Variants in CSMD3 observed in about 807,000 individuals in gnomAD.
CSMD3 encodes the protein CUB and sushi domain-containing protein 3.
A neutral mutation model predicts 435.2 loss-of-function variants in CSMD3; 177 were observed. That is an observed-to-expected ratio of 0.41 (90% CI 0.36 to 0.46). The LOEUF is 0.46. Ranked by LOEUF, CSMD3 falls within the 20% of genes least tolerant of loss-of-function variation. The pLI is 0.34. For synonymous variants in CSMD3, 1,656 were observed against 1,520.5 expected, an observed-to-expected ratio of 1.09 and a Z score of -2.07; for missense variants, 4,265 against 4,504.6, an observed-to-expected ratio of 0.95 and a Z score of 1.52.
intron 12 of CSMD3, among the ~76,000 whole-genome samples, chr8:112,816,732 C>T (rs1364633081): frequency 6.6e-6 from 1 of 151,842 alleles, no homozygotes; most frequent in Non-Finnish European, 1.5e-5. Context: ...CAATGATAGT[C>T]ATCTATTTAC....
chr8:113,302,675 AT>A (rs1420585485), intron 2 of CSMD3, among the ~76,000 whole-genome samples: 7 of 151,814 alleles, frequency 4.6e-5, no homozygotes, highest in African/African-American at 1.7e-4. Flanking sequence ...GATTATCTCA[AT>A]AGATGCAGAA....
intron 3 of CSMD3, among the ~76,000 whole-genome samples, chr8:113,200,188 A>G (rs2092702249): frequency 6.6e-6 from 1 of 150,554 alleles, no homozygotes; most frequent in Non-Finnish European, 1.5e-5. Flanking sequence ...TATTTCTGTG[A>G]CTCCTCTTAT....
chr8:113,374,827 A>AAAAAAC, intron 1 of CSMD3, among the ~76,000 whole-genome samples: 1 of 65,656 alleles, frequency 1.5e-5, no homozygotes, highest in African/African-American at 4.3e-5. Context: ...GTAAAAAAAA[A>AAAAAAC]AAAAAAAAAA....
chr8:112,804,815 C>G lies in CSMD3; in HGVS notation c.1860-4541G>C, dbSNP rs181585401. Among the ~76,000 whole-genome samples, 229 of 152,042 alleles carry G rather than the reference C, an allele frequency of 1.5e-3. 2 individuals are homozygous for G. Among genetic ancestry groups the G allele is most frequent in the African/African-American group, 5.3e-3 (219 of 41,494 alleles). ...AAGCAGCTGGGACTACAGGTGTGCA[C>G]CACCACACCCAGCTAATTTTTGTAT... is the stretch of plus-strand genomic sequence containing the variant. On this transcript the variant is annotated intron_variant, in intron 12 of 70. Transcript: ENST00000297405.
chr8:113,369,443 T>G (rs961892075), intron 1 of CSMD3, among the ~76,000 whole-genome samples: 1 of 152,014 alleles, frequency 6.6e-6, no homozygotes, highest in Admixed American at 6.6e-5. Flanking sequence ...GAAACTGTTG[T>G]ACATTGTTGG....
chr8:112,756,611 A>G (rs1479185117), intron 13 of CSMD3, among the ~76,000 whole-genome samples: 1 of 152,176 alleles, frequency 6.6e-6, no homozygotes, highest in South Asian at 2.1e-4. Context: ...TTAGAAAACA[A>G]TCAGTTAATA....
intron 22 of CSMD3, among the ~76,000 whole-genome samples, chr8:112,619,787 ATGT>A (rs1428291223): frequency 7.1e-6 from 1 of 140,932 alleles, no homozygotes; most frequent in Admixed American, 7.3e-5. Flanking sequence ...TCATACAAAC[ATGT>A]TGTATCTTTC....
intron 13 of CSMD3, among the ~76,000 whole-genome samples, chr8:112,747,962 C>CAAAAAAAAAAAA (rs71309788): frequency 1.7e-4 from 16 of 96,750 alleles, no homozygotes; most frequent in African/African-American, 5.8e-4. Context: ...GACTCCGTCT[C>CAAAAAAAAAAAA]AAAAAAAAAA....
At chr8:113,123,125 T>C (rs2091032475) in intron 4 of CSMD3, among the ~76,000 whole-genome samples, 1 of 152,066 alleles carries the variant, frequency 6.6e-6, no homozygotes, top group African/African-American at 2.4e-5. Flanking sequence ...GAAAATATAA[T>C]TCCAAGGTAT....
At chr8:113,043,516 T>C (rs1225982452) in intron 5 of CSMD3, among the ~76,000 whole-genome samples, 2 of 152,156 alleles carry the variant, frequency 1.3e-5, no homozygotes, top group Non-Finnish European at 2.9e-5. Flanking sequence ...TTTTTTACAA[T>C]ATGTAAGAAA....
At position 112,253,841 on chromosome 8, in the gene CSMD3, C is replaced by T. The variant is rs371045806; in HGVS notation, c.10110+412G>A. Among the ~76,000 whole-genome samples the T allele has an allele frequency of 1.8e-3, 273 of 152,032 alleles. 1 individual carries two copies. Among genetic ancestry groups the T allele is most frequent in the African/African-American group, 6.2e-3 (256 of 41,510 alleles). On this transcript the variant is annotated intron_variant, in intron 63 of 70. Transcript: ENST00000297405. The stretch of plus-strand genomic sequence containing the variant: ...ATACAATTAGTGCTTTATTGAATAA[C>T]CCGCATTTTTATATATTTGCTGTTT...
intron 4 of CSMD3, among the ~76,000 whole-genome samples, chr8:113,173,508 G>A (rs1039605775): frequency 6.6e-6 from 1 of 151,972 alleles, no homozygotes; most frequent in East Asian, 1.9e-4. Context: ...TTTTAGTAAA[G>A]ATGGGGCTTC....
intron 12 of CSMD3, among the ~76,000 whole-genome samples, chr8:112,822,627 T>G (rs940839838): frequency 6.6e-6 from 1 of 151,902 alleles, no homozygotes; most frequent in African/African-American, 2.4e-5. Flanking sequence ...CTTTATTTAT[T>G]TCTCTTTATT....
chr8:112,760,034 C>T (rs77219540), intron 13 of CSMD3, among the ~76,000 whole-genome samples: 3,879 of 152,072 alleles, frequency 0.026, 80 homozygotes, highest in East Asian at 0.074. Flanking sequence ...TATTGGAATC[C>T]AAATAATAAA....
intron 1 of CSMD3, among the ~76,000 whole-genome samples, chr8:113,366,706 A>C (rs1416910219): frequency 6.6e-6 from 1 of 152,074 alleles, no homozygotes; most frequent in African/African-American, 2.4e-5. Flanking sequence ...TAACACTGAC[A>C]AAATCAGTTT....
intron 32 of CSMD3, among the ~76,000 whole-genome samples, chr8:112,417,933 AC>A (rs1316762782): frequency 6.7e-6 from 1 of 149,258 alleles, no homozygotes; most frequent in Non-Finnish European, 1.5e-5. Context: ...CATGCTTACT[AC>A]TCCTTTTGCA....
chr8:112,254,360 A>G (rs1382080031), intron 62 of CSMD3, 34 bp from the exon 63 acceptor site: 2 of 1,380,220 alleles, frequency 1.4e-6, no homozygotes, highest in East Asian at 2.3e-5. Flanking sequence ...TTAGTCCTTT[A>G]AAATTTACAA....
At position 112,724,560 on chromosome 8, in the gene CSMD3, T is replaced by TA. The variant is rs1318964783; in HGVS notation, c.1973-34511dup. Among the ~76,000 whole-genome samples, 5 of 152,142 alleles carry TA rather than the reference T, an allele frequency of 3.3e-5. No individual in the cohort carries two copies. In the East Asian group the frequency reaches 7.7e-4, roughly 24 times the overall value. On this transcript the variant is annotated intron_variant, in intron 13 of 70. Transcript: ENST00000297405. Reference sequence around the variant, plus strand: ...GAGAAGACTAGGGAAAGCAGTTTGGTAAAAAATCAATTAAGTTAAGTATTC... The same window carrying TA: ...GAGAAGACTAGGGAAAGCAGTTTGGTAAAAAAATCAATTAAGTTAAGTATTC...
At chr8:113,321,365 C>G (rs2093948252) in intron 1 of CSMD3, among the ~76,000 whole-genome samples, 1 of 151,728 alleles carries the variant, frequency 6.6e-6, no homozygotes, top group African/African-American at 2.4e-5. Context: ...TGAAGCTGAC[C>G]TAGGAATAGT....
Sources: gnomAD v4.1 joint callset for allele counts (sites outside exome capture counted in the v4.1 genomes callset) on GRCh38, gnomAD v4.1.1 for gene constraint, MANE v1.5 for transcripts, NCBI Gene and HGNC (gene_info 2026-07-23, HGNC 2026-07-21) for gene names.